Variants in C17orf67 observed in about 807,000 individuals in gnomAD.
C17orf67 encodes the protein uncharacterized protein C17orf67.
C17orf67 carries 12 observed loss-of-function variants against 11.2 expected under a neutral mutation model. The observed-to-expected ratio is 1.07, with a 90% CI of 0.68 to 1.73. The LOEUF (loss-of-function observed/expected upper bound fraction) is 1.73. Ranked by LOEUF, C17orf67 falls within the 40% of genes most tolerant of loss-of-function variation. The pLI, the probability that C17orf67 is intolerant of heterozygous loss-of-function variation, is 0.00. For synonymous variants in C17orf67, 59 were observed against 46.9 expected, an observed-to-expected ratio of 1.26 and a Z score of -1.05; for missense variants, 115 against 113.5, an observed-to-expected ratio of 1.01 and a Z score of -0.06.
At chr17:56,806,199 C>T (rs1160250348) in intron 6 of C17orf67, among the ~76,000 whole-genome samples, 1 of 152,066 alleles carries the variant, frequency 6.6e-6, no homozygotes, top group Non-Finnish European at 1.5e-5. Context: ...TGGTCTCGAT[C>T]TCCTGACCTC....
At chr17:56,823,562 T>C (rs545371478) in intron 4 of C17orf67, among the ~76,000 whole-genome samples, 12 of 152,160 alleles carry the variant, frequency 7.9e-5, no homozygotes, top group African/African-American at 2.9e-4. Flanking sequence ...AAAATACTTC[T>C]TAGAAATGAA....
chr17:56,814,896 T>C lies in C17orf67; in HGVS notation c.129A>G (p.Lys43=). Residue 43 remains lysine (K), a synonymous_variant, in exon 6 of 8, where the codon AAA becomes AAG. Coordinates refer to ENST00000397861, the MANE Select transcript of C17orf67 (RefSeq NM_001085430.4). ...GCATTGGCTCATCGGGGAATCCGGG[T>C]TTGCTTGGTCTATCCTGTCGCCGAG... The part of the protein sequence containing the change: ...LRSRRQDRPS[K]PGFPDEPMRE... 1.2e-6 allele frequency: 2 copies of C among 1,613,942 alleles called. No homozygotes were observed. Among genetic ancestry groups the C allele is most frequent in the Middle Eastern group, 1.7e-4 (1 of 6,060 alleles).
At chr17:56,813,441 C>A (rs1905680057) in intron 6 of C17orf67, among the ~76,000 whole-genome samples, 1 of 152,006 alleles carries the variant, frequency 6.6e-6, no homozygotes, top group Admixed American at 6.6e-5. Flanking sequence ...AGACTTCAAT[C>A]ATGGGCCCCT....
chr17:56,800,569 G>C (rs1172307406), intron 6 of C17orf67, among the ~76,000 whole-genome samples: 2 of 152,112 alleles, frequency 1.3e-5, no homozygotes, highest in Non-Finnish European at 2.9e-5. Flanking sequence ...AACGGGCCAT[G>C]CTTGCTGTTC....
At chr17:56,827,444 A>G (rs536033361) in intron 2 of C17orf67, among the ~76,000 whole-genome samples, 31 of 152,368 alleles carry the variant, frequency 2.0e-4, no homozygotes, top group African/African-American at 6.7e-4. Flanking sequence ...AATGCAGGTT[A>G]TCAGGCCTCT....
At chr17:56,809,592 CCCCTCACACACAA>C (rs1567795828) in intron 6 of C17orf67, among the ~76,000 whole-genome samples, 2 of 142,638 alleles carry the variant, frequency 1.4e-5, no homozygotes, top group Non-Finnish European at 1.5e-5. Context: ...CTCACACACA[CCCCTCACACACAA>C]CCCTCACGCG....
chr17:56,810,091 A>G, intron 6 of C17orf67, among the ~76,000 whole-genome samples: 1 of 76,994 alleles, frequency 1.3e-5, no homozygotes, highest in Non-Finnish European at 3.0e-5. Flanking sequence ...ACCCTCACAC[A>G]CCCCTCACAC....
chr17:56,792,563 GTGA>G (rs1217716999), intron 7 of C17orf67, among the ~76,000 whole-genome samples: 2 of 149,906 alleles, frequency 1.3e-5, no homozygotes, highest in Non-Finnish European at 3.0e-5. Flanking sequence ...GGCAGTGATG[GTGA>G]TGATGGTGAT....
intron 4 of C17orf67, among the ~76,000 whole-genome samples, chr17:56,816,347 C>T (rs1905761273): frequency 1.3e-5 from 2 of 152,086 alleles, no homozygotes; most frequent in South Asian, 4.1e-4. Context: ...AGTTCAAATC[C>T]TAGCTTCAAT....
intron 4 of C17orf67, among the ~76,000 whole-genome samples, chr17:56,816,791 A>C (rs1292394620): frequency 1.3e-5 from 2 of 152,228 alleles, no homozygotes; most frequent in Non-Finnish European, 2.9e-5. Flanking sequence ...TTTCAAATTC[A>C]AATCATCTAT....
chr17:56,819,848 G>A (rs1356846031), intron 4 of C17orf67, among the ~76,000 whole-genome samples: 3 of 152,190 alleles, frequency 2.0e-5, no homozygotes, highest in Non-Finnish European at 4.4e-5. Flanking sequence ...AATCCACAAG[G>A]TGGCAGAGCA....
chr17:56,830,810 T>A (rs1320206612), intron 2 of C17orf67, among the ~76,000 whole-genome samples: 2 of 152,242 alleles, frequency 1.3e-5, no homozygotes, highest in African/African-American at 4.8e-5. Flanking sequence ...TTAAACAGAC[T>A]GGATTTACAT....
rs1312630159 is a variant in C17orf67, at chr17:56,832,876, TAATA to T, written c.-557+18_-557+21del. The T allele has an allele frequency of 6.6e-6, 1 of 152,250 alleles. No homozygotes were observed. Among genetic ancestry groups the T allele is most frequent in the African/African-American group, 2.4e-5 (1 of 41,462 alleles). 9.4% of individuals were successfully genotyped at this position (152,250 alleles called of 1,614,324 possible). On this transcript the variant is annotated intron_variant, in intron 2 of 7. Transcript: ENST00000397861. ...CACATGCATATATATGCACACATAA[TAATA>T]TATACATACACACATACACGTATAT...
rs376286041 is a variant in C17orf67, at chr17:56,829,591, T to C, written c.-557+3307A>G. Among the ~76,000 whole-genome samples, 5 of 152,174 alleles carry C rather than the reference T, an allele frequency of 3.3e-5. No individual in the cohort carries two copies. In the East Asian group the frequency reaches 5.8e-4, roughly 18 times the overall value. ...AGAGCTGCCAGGCCAGGTTCTCCCATGTTGACTCCATCCGAGGGTCCCTGA... is the reference window on the plus strand; with the variant it reads ...AGAGCTGCCAGGCCAGGTTCTCCCACGTTGACTCCATCCGAGGGTCCCTGA... On this transcript the variant is annotated intron_variant, in intron 2 of 7. Coordinates refer to ENST00000397861, the MANE Select transcript of C17orf67 (RefSeq NM_001085430.4).
At chr17:56,818,594 C>T (rs1049226067) in intron 4 of C17orf67, among the ~76,000 whole-genome samples, 3 of 152,100 alleles carry the variant, frequency 2.0e-5, no homozygotes, top group Non-Finnish European at 4.4e-5. Flanking sequence ...AAACATAAAG[C>T]CACAGATGCA....
Position 56,795,678 on chromosome 17 carries a change from T to C in C17orf67, c.157-498A>G, listed in dbSNP as rs569401940. 3.3e-5 allele frequency among the ~76,000 whole-genome samples: 5 copies of C among 152,312 alleles called. No individual in the cohort carries two copies. The South Asian group carries it at 1.0e-3, about 32-fold the overall frequency. ...TTGCTCTGAGAACAAAAGAAACTCT[T>C]ATATCAGGAAAGGCATATAAAAATG... On this transcript the variant is annotated intron_variant, in intron 6 of 7. Transcript: ENST00000397861.
intron 4 of C17orf67, among the ~76,000 whole-genome samples, chr17:56,818,897 C>T (rs1905829523): frequency 6.6e-6 from 1 of 152,124 alleles, no homozygotes; most frequent in Admixed American, 6.5e-5. Flanking sequence ...ATGCCACCAC[C>T]CAAGTCTAGG....
chr17:56,802,091 T>G (rs1345437483), intron 6 of C17orf67, among the ~76,000 whole-genome samples: 1 of 152,194 alleles, frequency 6.6e-6, no homozygotes, highest in East Asian at 1.9e-4. Flanking sequence ...AATGAAATGG[T>G]GCAAATAAAG....
In C17orf67 at chr17:56,824,786, A is replaced by G. The variant is rs1756433080; in HGVS notation, c.-248T>C. On this transcript the variant is annotated 5_prime_UTR_variant, in exon 4 of 8. Transcript: ENST00000397861. ...ATCAATGATTTACTGCTATTTCCCA[A>G]AAGGGCCAGCTTTGGGCTTTTCAGT... 1 of 152,224 alleles carries G rather than the reference A, an allele frequency of 6.6e-6. No individual in the cohort carries two copies. The highest frequency in any genetic ancestry group is 2.4e-5 in the African/African-American group (1 of 41,464). The allele number at this position is 152,224 out of a possible 1,614,324, so 9.4% of individuals were successfully genotyped here. A position where few individuals can be genotyped will look rare whatever the true frequency, so the allele number is the denominator to read the frequency against.
Sources: gnomAD v4.1 joint callset for allele counts (sites outside exome capture counted in the v4.1 genomes callset) on GRCh38, gnomAD v4.1.1 for gene constraint, MANE v1.5 for transcripts, NCBI Gene and HGNC (gene_info 2026-07-23, HGNC 2026-07-21) for gene names.